The following SETBP1 variants were observed in gnomAD, a reference collection of about 807,000 sequenced individuals.
SETBP1 encodes the protein SET-binding protein.
SETBP1 carries 9 observed loss-of-function variants against 101.0 expected under a neutral mutation model. The observed-to-expected ratio is 0.09, with a 90% confidence interval of 0.05 to 0.16. The LOEUF is 0.16. SETBP1 is among the 10% of genes least tolerant of loss of function. The pLI, the probability that SETBP1 is intolerant of heterozygous loss-of-function variation, is 1.00. For synonymous variants in SETBP1, 818 were observed against 788.5 expected, an observed-to-expected ratio of 1.04 and a Z score of -0.63; for missense variants, 1,858 against 2,033.8, an observed-to-expected ratio of 0.91 and a Z score of 1.66.
At chr18:44,842,982 C>T (rs200762638) in intron 2 of SETBP1, among the ~76,000 whole-genome samples, 34 of 152,352 alleles carry the variant, frequency 2.2e-4, no homozygotes, top group Middle Eastern at 3.4e-3. Context: ...ATTCTATACA[C>T]GAGGAAAGCC....
intron 4 of SETBP1, 57 bp downstream of exon 4, chr18:44,953,397 C>T: frequency 6.9e-7 from 1 of 1,443,644 alleles, no homozygotes; most frequent in South Asian, 1.2e-5. Flanking sequence ...CTGGGCTTTG[C>T]ACCTCAGACA....
chr18:44,698,169 C>T (rs1174460269), intron 1 of SETBP1, among the ~76,000 whole-genome samples: 1 of 152,170 alleles, frequency 6.6e-6, no homozygotes, highest in Non-Finnish European at 1.5e-5. Context: ...TTTATTATGA[C>T]ATACTCACAT....
intron 5 of SETBP1, among the ~76,000 whole-genome samples, chr18:45,061,476 T>C (rs2073889788): frequency 6.6e-6 from 1 of 152,232 alleles, no homozygotes; most frequent in Non-Finnish European, 1.5e-5. Context: ...TCTATTTTGA[T>C]CTTTATAACT....
intron 4 of SETBP1, among the ~76,000 whole-genome samples, chr18:44,980,389 G>A (rs1184235104): frequency 6.6e-6 from 1 of 151,834 alleles, no homozygotes; most frequent in African/African-American, 2.4e-5. Flanking sequence ...TATTATAAGA[G>A]CCAATTTCAT....
intron 2 of SETBP1, among the ~76,000 whole-genome samples, chr18:44,750,202 A>T (rs2144529796): frequency 6.6e-6 from 1 of 152,338 alleles, no homozygotes; most frequent in African/African-American, 2.4e-5. Flanking sequence ...CTTTAACAAC[A>T]GACATGTATT....
chr18:44,822,259 G>A (rs1448896028), intron 2 of SETBP1, among the ~76,000 whole-genome samples: 1 of 152,248 alleles, frequency 6.6e-6, no homozygotes, highest in Admixed American at 6.5e-5. Flanking sequence ...TTGAAGGTCA[G>A]TGTGGTCTAT....
At chr18:44,934,765 A>G (rs2070921283) in intron 3 of SETBP1, among the ~76,000 whole-genome samples, 1 of 152,160 alleles carries the variant, frequency 6.6e-6, no homozygotes. Context: ...ACAGCTAGTA[A>G]TATTTGGACT....
intron 3 of SETBP1, among the ~76,000 whole-genome samples, chr18:44,934,575 C>T (rs906306110): frequency 6.6e-6 from 1 of 152,210 alleles, no homozygotes; most frequent in African/African-American, 2.4e-5. Flanking sequence ...CCCAAGATTT[C>T]CCACTGTGTA....
intron 4 of SETBP1, among the ~76,000 whole-genome samples, chr18:45,013,790 C>T (rs1012135475): frequency 1.3e-5 from 2 of 152,162 alleles, no homozygotes; most frequent in Non-Finnish European, 2.9e-5. Flanking sequence ...TGTCAGTTCC[C>T]AGGCATCCCC....
rs145062206 is a variant in SETBP1 at position 44,788,998 on chromosome 18, T to C, written c.487-80232T>C. Among the ~76,000 whole-genome samples, 3 of 152,100 alleles carry C rather than the reference T, an allele frequency of 2.0e-5. No homozygotes were observed. The East Asian group carries it at 5.8e-4, about 29-fold the overall frequency. ...TCTGATTTTTTATAGAAACAGGGTT[T>C]TAACATGTTGTCCAGGGTGGTCTTG... On this transcript the variant is annotated intron_variant, in intron 2 of 5. Transcript: ENST00000649279.
At chr18:45,007,676 C>T (rs757232190) in intron 4 of SETBP1, among the ~76,000 whole-genome samples, 1 of 152,178 alleles carries the variant, frequency 6.6e-6, no homozygotes, top group Non-Finnish European at 1.5e-5. Flanking sequence ...CACATTTAAC[C>T]TGGAGATGTT....
At chr18:44,779,565 G>C (rs917688635) in intron 2 of SETBP1, among the ~76,000 whole-genome samples, 1 of 152,110 alleles carries the variant, frequency 6.6e-6, no homozygotes, top group Non-Finnish European at 1.5e-5. Flanking sequence ...CAAACAGTTG[G>C]CAGGAGAGGA....
At chr18:44,813,038 A>G (rs1480084469) in intron 2 of SETBP1, among the ~76,000 whole-genome samples, 1 of 152,136 alleles carries the variant, frequency 6.6e-6, no homozygotes, top group Non-Finnish European at 1.5e-5. Flanking sequence ...CAGAGAGGAT[A>G]CAGGATGTAA....
intron 3 of SETBP1, among the ~76,000 whole-genome samples, chr18:44,893,343 G>T (rs761177767): frequency 6.6e-6 from 1 of 152,140 alleles, no homozygotes; most frequent in South Asian, 2.1e-4. Context: ...TAACCCTTGG[G>T]GGTAGGTTCT....
At chr18:44,825,014 A>G (rs181436845) in intron 2 of SETBP1, among the ~76,000 whole-genome samples, 2 of 152,366 alleles carry the variant, frequency 1.3e-5, no homozygotes, top group Non-Finnish European at 2.9e-5. Context: ...TCTCCTGCAC[A>G]TTATTCACCT....
At chr18:45,035,711 T>G (rs2073382629) in intron 4 of SETBP1, among the ~76,000 whole-genome samples, 1 of 152,234 alleles carries the variant, frequency 6.6e-6, no homozygotes, top group Non-Finnish European at 1.5e-5. Context: ...GGTATAAAGA[T>G]GACATATCAG....
rs1042406085 is a variant in SETBP1, at chr18:44,813,074, TA to T, written c.487-56145del. 5.2e-3 allele frequency among the ~76,000 whole-genome samples: 758 copies of T among 145,702 alleles called. 6 individuals carry two copies. Among genetic ancestry groups the T allele is most frequent in the Non-Finnish European group, 5.8e-3 (384 of 65,790 alleles). The stretch of plus-strand genomic sequence containing the variant: ...AAAGGTAAAAAGGAATGAGTCCACT[TA>T]AAAAAAAAAAGAAAGAAAGAAACCA... On this transcript the variant is annotated intron_variant, in intron 2 of 5. Transcript: ENST00000649279.
chr18:44,969,995 G>T (rs1407428471), intron 4 of SETBP1: 2 of 154,592 alleles, frequency 1.3e-5, no homozygotes, highest in East Asian at 1.9e-4. Flanking sequence ...TTGAGTCAAA[G>T]AATCCTAATT....
At chr18:44,722,650 G>A (rs760511184) in intron 2 of SETBP1, among the ~76,000 whole-genome samples, 5 of 152,162 alleles carry the variant, frequency 3.3e-5, no homozygotes, top group Non-Finnish European at 5.9e-5. Context: ...TGAGCATCAC[G>A]TGCTCTGTGG....
Sources: gnomAD v4.1 joint callset for allele counts (sites outside exome capture counted in the v4.1 genomes callset) on GRCh38, gnomAD v4.1.1 for gene constraint, MANE v1.5 for transcripts, NCBI Gene and HGNC (gene_info 2026-07-23, HGNC 2026-07-21) for gene names.